The following RAB35 variants were observed in gnomAD, a reference collection of about 807,000 sequenced individuals.
RAB35 encodes the protein RAB35, member RAS oncogene family.
In RAB35, 4 loss-of-function variants were observed where a neutral mutation model predicts 28.9. That is an observed-to-expected ratio of 0.14 (90% CI 0.07 to 0.32). The LOEUF is 0.32. Among genes scored for constraint, RAB35 ranks in the 10% least tolerant of loss-of-function variants. The pLI, the probability that RAB35 is intolerant of heterozygous loss-of-function variation, is 1.00. For missense variants in RAB35, 128 were observed against 274.0 expected (o/e 0.47, Z 3.76); for synonymous variants, 99 against 105.1 (o/e 0.94, Z 0.35).
chr12:120,110,877 C>G (rs759192658), intron 1 of RAB35, among the ~76,000 whole-genome samples: 4 of 152,234 alleles, frequency 2.6e-5, no homozygotes, highest in South Asian at 2.1e-4. Context: ...CCTTGCTCCG[C>G]CGTGAGGCTT....
At position 120,105,916 on chromosome 12, in the gene RAB35, C is replaced by CAAA. The variant is rs61681731; in HGVS notation, c.104-1970_104-1968dup. 1.5e-3 allele frequency among the ~76,000 whole-genome samples: 77 copies of CAAA among 49,714 alleles called. 2 individuals are homozygous for CAAA. Among genetic ancestry groups the CAAA allele is most frequent in the East Asian group, 8.0e-3 (14 of 1,758 alleles). 32.6% of individuals were successfully genotyped at this position (49,714 alleles called of 152,430 possible). A position where few individuals can be genotyped will look rare whatever the true frequency, so the allele number is the denominator to read the frequency against. ...TGGGCGACAGAGCGAGACTCCGTCT[C>CAAA]AAAAAAAAAAAAAAAAAAAAAAAAT... is the stretch of plus-strand genomic sequence containing the variant. On this transcript the variant is annotated intron_variant, in intron 2 of 5. Transcript: ENST00000229340.
intron 3 of RAB35, among the ~76,000 whole-genome samples, chr12:120,102,852 A>T (rs959947131): frequency 6.6e-6 from 1 of 152,138 alleles, no homozygotes. Context: ...AGAGCCAAGG[A>T]GGTGCCCGTG....
intron 5 of RAB35, among the ~76,000 whole-genome samples, chr12:120,097,698 G>C (rs562322958): frequency 1.5e-4 from 23 of 152,066 alleles, no homozygotes; most frequent in Non-Finnish European, 2.2e-4. Flanking sequence ...AGTGGGCTGT[G>C]AACACACCAC....
chr12:120,103,784 G>C lies in RAB35; in HGVS notation c.227+42C>G, dbSNP rs559491792. On this transcript the variant is annotated intron_variant, in intron 3 of 5. Transcript: ENST00000229340. This position sits in a 1 kb window ranked among gnomAD's most constrained non-coding sequence, Gnocchi z 6.1. ...ACCGGTCGCTCAACTGTGTCCACAG[G>C]TCAGTGGCGCGGGTTGGGTGGGAGT... The C allele has an allele frequency of 6.2e-7, 1 of 1,610,208 alleles. No homozygotes were observed. Among genetic ancestry groups the C allele is most frequent in the African/African-American group, 1.3e-5 (1 of 75,022 alleles).
chr12:120,116,277 C>T (rs560035659), intron 1 of RAB35, among the ~76,000 whole-genome samples: 2 of 152,272 alleles, frequency 1.3e-5, no homozygotes, highest in South Asian at 4.1e-4. Context: ...TGCCCAAGGT[C>T]AGCGCGAGGC....
rs778315470 is a variant in RAB35 at position 120,098,841 on chromosome 12, G to A, written c.447C>T (p.Thr149=). ...CCACGTTGACATTCTCCTTGGCGCT[G>A]GTCTCGAACAACTGGATGCCCATCT... ...AGQMGIQLFE[T]SAKENVNVEE... is the part of the protein sequence containing the mutation. The change falls in exon 5 of 6, where the codon ACC becomes ACT. Residue 149 remains threonine (T), a synonymous_variant. Coordinates refer to ENST00000229340, the MANE Select transcript of RAB35 (RefSeq NM_006861.7). The A allele has an allele frequency of 6.2e-7, 1 of 1,614,224 alleles. No individual in the cohort carries two copies. The highest frequency in any genetic ancestry group is 8.5e-7 in the Non-Finnish European group (1 of 1,180,038).
Position 120,103,500 on chromosome 12 carries a change from C to T in RAB35, c.227+326G>A, listed in dbSNP as rs73410864. Among the ~76,000 whole-genome samples the T allele has an allele frequency of 0.068, 10,383 of 152,266 alleles. 1,067 individuals carry two copies. Among genetic ancestry groups the T allele is most frequent in the African/African-American group, 0.22 (9,099 of 41,522 alleles). ...GGCAAGGCACTTCGCAACCCCCTAGCGAGGCAAATGCTATTCTGCTCTCTC... is the reference window on the plus strand; with the variant it reads ...GGCAAGGCACTTCGCAACCCCCTAGTGAGGCAAATGCTATTCTGCTCTCTC... On this transcript the variant is annotated intron_variant, in intron 3 of 5. Transcript: ENST00000229340. This position sits in a 1 kb window ranked among gnomAD's most constrained non-coding sequence, Gnocchi z 6.1.
At chr12:120,105,693 G>T (rs1376003548) in intron 2 of RAB35, among the ~76,000 whole-genome samples, 1 of 151,940 alleles carries the variant, frequency 6.6e-6, no homozygotes, top group Non-Finnish European at 1.5e-5. Flanking sequence ...GGAGGCCGAG[G>T]TGGGCAGATC....
At chr12:120,105,916 CAAAAAAAAAAA>C (rs61681731) in intron 2 of RAB35, among the ~76,000 whole-genome samples, 66 of 49,818 alleles carry the variant, frequency 1.3e-3, no homozygotes, top group African/African-American at 4.3e-3. Context: ...GACTCCGTCT[CAAAAAAAAAAA>C]AAAAAAAAAA....
intron 1 of RAB35, among the ~76,000 whole-genome samples, chr12:120,114,459 C>T (rs1168296873): frequency 1.3e-5 from 2 of 152,206 alleles, no homozygotes; most frequent in African/African-American, 2.4e-5. Flanking sequence ...TCTGTGAAAT[C>T]GTTCAACATA....
Position 120,099,136 on chromosome 12 carries a change from G to T in RAB35, c.246C>A (p.His82Gln), listed in dbSNP as rs756815917. The T allele has an allele frequency of 6.2e-7, 1 of 1,614,254 alleles. No homozygotes were observed. Among genetic ancestry groups the T allele is most frequent in the South Asian group, 1.1e-5 (1 of 91,088 alleles). ...TGACGTCGTAAACCACAATGACCCCGTGGGTCCCCCGATAATACCTGCAGG... is the reference window on the plus strand; with the variant it reads ...TGACGTCGTAAACCACAATGACCCCTTGGGTCCCCCGATAATACCTGCAGG... ...TITSTYYRGT[H>Q]GVIVVYDVTS... The change falls in exon 4 of 6, where the codon CAC becomes CAA. Residue 82 changes from histidine to glutamine, a missense_variant. His to Gln is a conservative substitution (Grantham distance 24). Transcript: ENST00000229340.
rs756072476 is a variant in RAB35 at position 120,099,089 on chromosome 12, T to G, written c.293A>C (p.Asn98Thr). ...YDVTSAESFV[N>T]VKRWLHEINQ... ...GATTTCGTGAAGCCACCGCTTGACGTTGACAAAGGACTCGGCACTGGTGAC... is the reference window on the plus strand; with the variant it reads ...GATTTCGTGAAGCCACCGCTTGACGGTGACAAAGGACTCGGCACTGGTGAC... Residue 98 changes from asparagine (N) to threonine (T), a missense_variant, in exon 4 of 6, where the codon AAC becomes ACC. Physicochemically the swap from Asn to Thr is moderately conservative, Grantham distance 65. Transcript: ENST00000229340. The G allele has an allele frequency of 1.2e-6, 2 of 1,614,024 alleles. No homozygotes were observed. Among genetic ancestry groups the G allele is most frequent in the African/African-American group, 1.3e-5 (1 of 75,028 alleles).
At chr12:120,115,900 C>CT (rs1876309983) in intron 1 of RAB35, among the ~76,000 whole-genome samples, 1 of 152,202 alleles carries the variant, frequency 6.6e-6, no homozygotes, top group Non-Finnish European at 1.5e-5. Flanking sequence ...ACATCAACCC[C>CT]ATAAGGCAGA....
rs11416731 is a variant in RAB35, at chr12:120,104,655, T to TGGG, written c.104-709_104-707dup. Among the ~76,000 whole-genome samples the TGGG allele has an allele frequency of 5.3e-5, 8 of 150,762 alleles. No homozygotes were observed. In the South Asian group the frequency reaches 1.5e-3, roughly 28 times the overall value. ...TGTGGGAAAAATGGATTTTTTTTGG[T>TGGG]GGGGGGGGGACAGCGTCTCATTCTG... On this transcript the variant is annotated intron_variant, in intron 2 of 5. Coordinates refer to ENST00000229340, the MANE Select transcript of RAB35 (RefSeq NM_006861.7).
At chr12:120,106,132 G>A (rs994620332) in intron 2 of RAB35, among the ~76,000 whole-genome samples, 3 of 152,104 alleles carry the variant, frequency 2.0e-5, no homozygotes, top group African/African-American at 4.8e-5. Flanking sequence ...GATGCTGGTC[G>A]TAGAAATGGA....
In RAB35 at chr12:120,096,787, CG is replaced by C; in HGVS notation, c.*457del. ...CAACGCGGAGCCCACTCCACTGGCA[CG>C]GGCTGGCCGCAGACGCAGCTAGAAC... On this transcript the variant is annotated 3_prime_UTR_variant, in exon 6 of 6. Transcript: ENST00000229340. 7.7e-7 allele frequency: 1 copy of C among 1,290,844 alleles called. No homozygotes were observed. The highest frequency in any genetic ancestry group is 1.0e-6 in the Non-Finnish European group (1 of 989,542). The allele number at this position is 1,290,844 out of a possible 1,614,324, so 80.0% of individuals were successfully genotyped here. A position where few individuals can be genotyped will look rare whatever the true frequency, so the allele number is the denominator to read the frequency against.
intron 2 of RAB35, among the ~76,000 whole-genome samples, chr12:120,106,741 G>A (rs1443585491): frequency 3.3e-5 from 5 of 151,060 alleles, no homozygotes; most frequent in African/African-American, 9.7e-5. Context: ...GGCACATGCC[G>A]CCACACCCAA....
chr12:120,110,988 C>T (rs900652236), intron 1 of RAB35, among the ~76,000 whole-genome samples: 2 of 151,498 alleles, frequency 1.3e-5, no homozygotes, highest in Admixed American at 1.3e-4. Flanking sequence ...TCTGCTTCCT[C>T]CTGGAGCCTT....
chr12:120,095,301 G>A lies in RAB35; in HGVS notation c.*1944C>T, dbSNP rs556056267. On this transcript the variant is annotated 3_prime_UTR_variant, in exon 6 of 6. Coordinates refer to ENST00000229340, the MANE Select transcript of RAB35 (RefSeq NM_006861.7). ...CATTCATGCGTGTAACAGTGGGACAGGCACACTGTCATGACCAAAATCACC... is the reference window on the plus strand; with the variant it reads ...CATTCATGCGTGTAACAGTGGGACAAGCACACTGTCATGACCAAAATCACC... 7.2e-6 allele frequency: 1 copy of A among 139,076 alleles called. No individual in the cohort carries two copies. The highest frequency in any genetic ancestry group is 2.3e-4 in the East Asian group (1 of 4,258). The allele number at this position is 139,076 out of a possible 1,614,324, so 8.6% of individuals were successfully genotyped here. A position where few individuals can be genotyped will look rare whatever the true frequency, so the allele number is the denominator to read the frequency against.
Sources: allele counts gnomAD v4.1 joint callset (sites outside exome capture counted in the v4.1 genomes callset), GRCh38; gene constraint gnomAD v4.1.1; non-coding constraint Gnocchi (gnomAD v3.1); transcripts MANE v1.5; gene names NCBI Gene and HGNC (gene_info 2026-07-23, HGNC 2026-07-21).